Variants in RABGAP1L observed in about 807,000 individuals in gnomAD.
RABGAP1L encodes the protein RAB GTPase activating protein 1 like.
Under a neutral mutation model 137.7 loss-of-function variants are expected in RABGAP1L, and 63 were observed. That is an observed-to-expected ratio of 0.46 (90% CI 0.37 to 0.56). The LOEUF is 0.56. RABGAP1L is among the 20% of genes least tolerant of loss of function. The pLI is 0.00. For synonymous variants in RABGAP1L, 431 were observed against 433.7 expected (o/e 0.99, Z 0.08); for missense variants, 1,095 against 1,244.0 (o/e 0.88, Z 1.80).
chr1:174,468,237 TAACCATTAGG>T (rs747824365), intron 13 of RABGAP1L, among the ~76,000 whole-genome samples: 20 of 152,290 alleles, frequency 1.3e-4, no homozygotes, highest in Non-Finnish European at 2.6e-4. Flanking sequence ...CATTTGTGTG[TAACCATTAGG>T]ATAAACAAAT....
intron 19 of RABGAP1L, among the ~76,000 whole-genome samples, chr1:174,883,476 A>C (rs1209846733): frequency 1.3e-5 from 2 of 152,188 alleles, no homozygotes; most frequent in African/African-American, 4.8e-5. Context: ...CTGGAGAATT[A>C]CTTTGCTTGA....
chr1:174,488,295 G>A (rs72713602), intron 13 of RABGAP1L, among the ~76,000 whole-genome samples: 31,784 of 151,534 alleles, frequency 0.21, 3,677 homozygotes, highest in Admixed American at 0.25. Context: ...ATTTTCACCA[G>A]GTATACTATT....
chr1:174,900,637 AG>A (rs1192563826), intron 19 of RABGAP1L, among the ~76,000 whole-genome samples: 3 of 152,138 alleles, frequency 2.0e-5, no homozygotes, highest in African/African-American at 7.2e-5. Flanking sequence ...CTCCTGCCTC[AG>A]CCTCCTGAGT....
At chr1:174,667,748 T>C (rs538719243) in intron 14 of RABGAP1L, among the ~76,000 whole-genome samples, 4 of 152,338 alleles carry the variant, frequency 2.6e-5, no homozygotes, top group African/African-American at 9.6e-5. Flanking sequence ...TGCTATGACC[T>C]GGTTATTTAC....
intron 13 of RABGAP1L, among the ~76,000 whole-genome samples, chr1:174,582,559 A>G (rs778397890): frequency 2.6e-5 from 4 of 152,296 alleles, no homozygotes; most frequent in Non-Finnish European, 2.9e-5. Context: ...TGGGCAACAC[A>G]GCAAGACCCC....
intron 11 of RABGAP1L, among the ~76,000 whole-genome samples, chr1:174,354,308 G>A (rs978009423): frequency 2.0e-5 from 3 of 151,260 alleles, no homozygotes; most frequent in Non-Finnish European, 4.4e-5. Context: ...TGCAGCTCCA[G>A]CTCAAAGGAA....
rs1558070650 is a variant in RABGAP1L at position 174,780,108 on chromosome 1, A to AATT, written c.2211+27755_2211+27756insTTA. Among the ~76,000 whole-genome samples, 18 of 83,254 alleles carry AATT rather than the reference A, an allele frequency of 2.2e-4. 1 individual carries two copies. Among genetic ancestry groups the AATT allele is most frequent in the African/African-American group, 4.8e-4 (16 of 33,514 alleles). The allele number at this position is 83,254 out of a possible 152,430, so 54.6% of individuals were successfully genotyped here. A position where few individuals can be genotyped will look rare whatever the true frequency, so the allele number is the denominator to read the frequency against. ...TAAATAAATAAATAAATAAATAAAT[A>AATT]AATAAATAAATTAAATAAGCCCTAA... On this transcript the variant is annotated intron_variant, in intron 18 of 25. Coordinates refer to ENST00000681986, the MANE Select transcript of RABGAP1L (RefSeq NM_001366446.1).
chr1:174,639,996 G>A (rs564922589), intron 14 of RABGAP1L, among the ~76,000 whole-genome samples: 10 of 152,092 alleles, frequency 6.6e-5, no homozygotes, highest in Middle Eastern at 3.4e-3. Context: ...CTTTATTATC[G>A]AAAAGTAGCT....
At chr1:174,765,599 AT>A (rs754181726) in intron 18 of RABGAP1L, among the ~76,000 whole-genome samples, 637 of 144,220 alleles carry the variant, frequency 4.4e-3, no homozygotes, top group Admixed American at 4.7e-3. Context: ...TGTCCAGCAA[AT>A]TTTTTTTTTT....
At chr1:174,160,232 C>A (rs1361442179) in intron 1 of RABGAP1L, among the ~76,000 whole-genome samples, 1 of 152,008 alleles carries the variant, frequency 6.6e-6, no homozygotes, top group Non-Finnish European at 1.5e-5. Context: ...GGGAATGCCC[C>A]GCTTCAAAGT....
In RABGAP1L at chr1:174,819,250, G is replaced by GAC. The variant is rs1276766847; in HGVS notation, c.2340+7291_2340+7292insCA. On this transcript the variant is annotated intron_variant, in intron 19 of 25. Coordinates refer to ENST00000681986, the MANE Select transcript of RABGAP1L (RefSeq NM_001366446.1). ...CAAGCCTGAGAGTAAGTATGGGAGA[G>GAC]AGAGAGATGAGTAAGTACAAGAGAG... Among the ~76,000 whole-genome samples, 7 of 149,680 alleles carry GAC rather than the reference G, an allele frequency of 4.7e-5. No individual in the cohort carries two copies. In the Admixed American group the frequency reaches 4.7e-4, roughly 10 times the overall value.
At chr1:174,742,247 G>T (rs1173355937) in intron 17 of RABGAP1L, among the ~76,000 whole-genome samples, 1 of 151,870 alleles carries the variant, frequency 6.6e-6, no homozygotes, top group Non-Finnish European at 1.5e-5. Flanking sequence ...GGCCAGATGC[G>T]GTGGCTCAGC....
At chr1:174,531,975 T>A (rs754602027) in intron 13 of RABGAP1L, among the ~76,000 whole-genome samples, 1 of 152,008 alleles carries the variant, frequency 6.6e-6, no homozygotes, top group Non-Finnish European at 1.5e-5. Context: ...AACATCTCCA[T>A]TCAGCTTTTC....
At chr1:174,411,570 G>C (rs77046695) in intron 13 of RABGAP1L, among the ~76,000 whole-genome samples, 4 of 151,838 alleles carry the variant, frequency 2.6e-5, no homozygotes, top group Admixed American at 1.3e-4. Flanking sequence ...TGTTGAGTTT[G>C]GTTTGTTAGT....
intron 19 of RABGAP1L, among the ~76,000 whole-genome samples, chr1:174,939,736 A>G (rs373282322): frequency 2.0e-5 from 3 of 152,262 alleles, no homozygotes; most frequent in African/African-American, 7.2e-5. Context: ...TGGTTATCAC[A>G]ATTTTCTCAT....
chr1:174,342,832 G>A (rs1279960918), intron 11 of RABGAP1L, among the ~76,000 whole-genome samples: 1 of 150,954 alleles, frequency 6.6e-6, no homozygotes, highest in East Asian at 2.0e-4. Context: ...TCCGACTCCT[G>A]GGTTCAAGTG....
At chr1:174,655,541 TG>T (rs1387476003) in intron 14 of RABGAP1L, among the ~76,000 whole-genome samples, 4 of 152,210 alleles carry the variant, frequency 2.6e-5, no homozygotes, top group Non-Finnish European at 5.9e-5. Flanking sequence ...TTATTGGTGA[TG>T]ATTAGTGTGA....
At chr1:174,664,120 T>C (rs890041672) in intron 14 of RABGAP1L, among the ~76,000 whole-genome samples, 6 of 152,180 alleles carry the variant, frequency 3.9e-5, no homozygotes, top group African/African-American at 1.4e-4. Flanking sequence ...ACTTTGTGTA[T>C]TGATTAGTTG....
At chr1:174,385,107 A>G (rs1240827206) in intron 12 of RABGAP1L, among the ~76,000 whole-genome samples, 2 of 152,228 alleles carry the variant, frequency 1.3e-5, no homozygotes, top group Non-Finnish European at 2.9e-5. Context: ...TAAGGGAACA[A>G]AGGTGGAAGC....
Sources: allele counts gnomAD v4.1 joint callset (sites outside exome capture counted in the v4.1 genomes callset), GRCh38; gene constraint gnomAD v4.1.1; transcripts MANE v1.5; gene names NCBI Gene and HGNC (gene_info 2026-07-23, HGNC 2026-07-21).